SLC30A8: variants seen among roughly 807,000 people sequenced by gnomAD.
The protein encoded by SLC30A8 is proton-coupled zinc antiporter SLC30A8.
A neutral mutation model predicts 36.9 loss-of-function variants in SLC30A8; 27 were observed. That is an observed-to-expected ratio of 0.73 (90% confidence interval 0.54 to 1.01). The LOEUF (loss-of-function observed/expected upper bound fraction) is 1.01. Ranked by LOEUF, SLC30A8 falls within the 50% of genes least tolerant of loss-of-function variation. SLC30A8 has a pLI of 0.00. For synonymous variants in SLC30A8, 164 were observed against 172.4 expected (o/e 0.95, Z 0.38); for missense variants, 439 against 452.0 (o/e 0.97, Z 0.26).
chr8:117,076,520 C>T (rs1818491772), intron 2 of SLC30A8, among the ~76,000 whole-genome samples: 1 of 151,978 alleles, frequency 6.6e-6, no homozygotes, highest in Admixed American at 6.6e-5. Context: ...TTGTCTTGTA[C>T]TCTGATTATC....
intron 1 of SLC30A8, among the ~76,000 whole-genome samples, chr8:117,018,401 T>C (rs370228425): frequency 1.5e-4 from 23 of 152,334 alleles, no homozygotes; most frequent in East Asian, 1.3e-3. Flanking sequence ...TTCTTCTTTT[T>C]TTTACTAAGT....
chr8:116,962,205 T>C (rs1814448055), intron 1 of SLC30A8, among the ~76,000 whole-genome samples: 1 of 152,008 alleles, frequency 6.6e-6, no homozygotes, highest in Non-Finnish European at 1.5e-5. Flanking sequence ...GCTCATTAAC[T>C]GTAAGGCAAT....
intron 2 of SLC30A8, among the ~76,000 whole-genome samples, chr8:117,096,199 C>G (rs1203689871): frequency 6.6e-6 from 1 of 152,120 alleles, no homozygotes; most frequent in Non-Finnish European, 1.5e-5. Flanking sequence ...AAGGAGAACT[C>G]GTTTTCTCTG....
At chr8:117,145,923 G>T (rs980867143) in intron 1 of SLC30A8, among the ~76,000 whole-genome samples, 16 of 152,096 alleles carry the variant, frequency 1.1e-4, no homozygotes, top group African/African-American at 3.1e-4. Context: ...AGTGGCTCTC[G>T]TGAAGATAAG....
intron 4 of SLC30A8, among the ~76,000 whole-genome samples, chr8:117,158,655 A>G (rs931391451): frequency 1.7e-4 from 26 of 152,226 alleles, no homozygotes; most frequent in African/African-American, 5.5e-4. Flanking sequence ...ACCTTTCCCA[A>G]AATGAACTAC....
chr8:117,079,866 T>A (rs7821939), intron 2 of SLC30A8, among the ~76,000 whole-genome samples: 49,127 of 152,068 alleles, frequency 0.32, 8,708 homozygotes, highest in African/African-American at 0.48. Flanking sequence ...TCAATTCTTT[T>A]TTGTTTAGAC....
chr8:117,169,976 G>T (rs1455895424), intron 6 of SLC30A8, among the ~76,000 whole-genome samples: 1 of 152,070 alleles, frequency 6.6e-6, no homozygotes, highest in East Asian at 1.9e-4. Context: ...TCTGGGGTTG[G>T]GGCTGGCTTT....
chr8:117,091,691 G>A (rs923007206), intron 2 of SLC30A8, among the ~76,000 whole-genome samples: 8 of 152,072 alleles, frequency 5.3e-5, no homozygotes, highest in South Asian at 4.1e-4. Flanking sequence ...CAGAAATCCC[G>A]TTATGTATTT....
intron 1 of SLC30A8, among the ~76,000 whole-genome samples, chr8:116,999,328 T>C (rs760287470): frequency 6.6e-6 from 1 of 151,904 alleles, no homozygotes; most frequent in Admixed American, 6.6e-5. Flanking sequence ...GGTCTGGACT[T>C]GGGGCTGGGT....
chr8:116,957,566 C>T (rs1473799178), intron 1 of SLC30A8, among the ~76,000 whole-genome samples: 1 of 152,184 alleles, frequency 6.6e-6, no homozygotes, highest in African/African-American at 2.4e-5. Context: ...CCACCATGCC[C>T]TGCCTAGACA....
intron 1 of SLC30A8, among the ~76,000 whole-genome samples, chr8:116,985,248 T>C (rs1815401111): frequency 6.6e-6 from 1 of 151,754 alleles, no homozygotes; most frequent in Non-Finnish European, 1.5e-5. Context: ...TATCTCTTTC[T>C]AGAATTTCTC....
Position 117,006,833 on chromosome 8 carries a change from A to G in SLC30A8, c.-265-32386A>G, listed in dbSNP as rs570991194. Among the ~76,000 whole-genome samples, 151 of 118,780 alleles carry G rather than the reference A, an allele frequency of 1.3e-3. 1 individual carries two copies. The highest frequency in any genetic ancestry group is 4.8e-3 in the African/African-American group (147 of 30,352). 77.9% of individuals were successfully genotyped at this position (118,780 alleles called of 152,430 possible). A position where few individuals can be genotyped will look rare whatever the true frequency, so the allele number is the denominator to read the frequency against. On this transcript the variant is annotated intron_variant, in intron 1 of 10. Coordinates refer to the SLC30A8 transcript ENST00000427715. The stretch of plus-strand genomic sequence containing the variant: ...AATCTGGCTGTGTCTCCCAGGTTGG[A>G]GTGCAGTGGTGCCATCTTGGCTCAC...
At chr8:117,038,085 G>T (rs1817272084) in intron 1 of SLC30A8, among the ~76,000 whole-genome samples, 1 of 152,080 alleles carries the variant, frequency 6.6e-6, no homozygotes. Context: ...GCCGAATGTG[G>T]TATCTAAATA....
chr8:117,145,840 G>T (rs898984779), intron 1 of SLC30A8, among the ~76,000 whole-genome samples: 5 of 152,082 alleles, frequency 3.3e-5, no homozygotes, highest in Non-Finnish European at 7.4e-5. Context: ...ATATGGGGTT[G>T]CAGTTAAGTG....
chr8:117,126,948 G>A (rs1022159465), intron 2 of SLC30A8, among the ~76,000 whole-genome samples: 3 of 151,972 alleles, frequency 2.0e-5, no homozygotes, highest in African/African-American at 7.2e-5. Flanking sequence ...AGGCAAAGGC[G>A]ACAGTACTGG....
chr8:117,051,304 G>A (rs951817551), intron 2 of SLC30A8, among the ~76,000 whole-genome samples: 28 of 152,226 alleles, frequency 1.8e-4, no homozygotes, highest in African/African-American at 6.0e-4. Flanking sequence ...AGCTCTTAGT[G>A]GATTAGAACA....
At chr8:117,001,546 G>A (rs149572405) in intron 1 of SLC30A8, among the ~76,000 whole-genome samples, 2 of 152,232 alleles carry the variant, frequency 1.3e-5, no homozygotes, top group African/African-American at 4.8e-5. Context: ...ATGCCAAATG[G>A]CTGACTCATT....
At chr8:117,006,209 A>T (rs1416574868) in intron 1 of SLC30A8, among the ~76,000 whole-genome samples, 1 of 152,230 alleles carries the variant, frequency 6.6e-6, no homozygotes, top group Non-Finnish European at 1.5e-5. Flanking sequence ...ATAAAACCTG[A>T]GCAAATGTGG....
chr8:117,065,813 T>C (rs754916082), intron 2 of SLC30A8, among the ~76,000 whole-genome samples: 6 of 152,088 alleles, frequency 3.9e-5, no homozygotes, highest in Non-Finnish European at 8.8e-5. Flanking sequence ...GAAAAGTAAG[T>C]GAGTAGATGC....
Sources: allele counts gnomAD v4.1 joint callset (sites outside exome capture counted in the v4.1 genomes callset), GRCh38; gene constraint gnomAD v4.1.1; transcripts MANE v1.5; gene names NCBI Gene and HGNC (gene_info 2026-07-23, HGNC 2026-07-21).